ZNF449: variants seen among roughly 807,000 people sequenced by gnomAD.
ZNF449 encodes zinc finger protein 449.
Under a neutral mutation model 32.6 loss-of-function variants are expected in ZNF449, and 4 were observed. The ratio of observed to expected loss-of-function variants is 0.12; its 90% CI spans 0.06 to 0.28. ZNF449 has a LOEUF of 0.28. Ranked by LOEUF, ZNF449 falls within the 10% of genes least tolerant of loss-of-function variation. The pLI, the probability that ZNF449 is intolerant of heterozygous loss-of-function variation, is 1.00. For missense variants in ZNF449, 275 were observed against 383.2 expected (o/e 0.72, Z 2.36); for synonymous variants, 123 against 132.2 (o/e 0.93, Z 0.48).
At chrX:135,354,109 AATTG>A (rs1482361495) in intron 3 of ZNF449, among the ~76,000 whole-genome samples, 5 of 112,241 alleles carry the variant, frequency 4.5e-5, no homozygotes, top group Non-Finnish European at 9.4e-5. Context: ...CTAGAATTGG[AATTG>A]ATTGATTAAT....
chrX:135,353,555 T>C (rs1556450921), intron 3 of ZNF449, among the ~76,000 whole-genome samples: 5 of 111,642 alleles, frequency 4.5e-5, no homozygotes, highest in Non-Finnish European at 9.4e-5. Context: ...CAATATGTTA[T>C]TGTCACTGGA....
At position 135,360,176 on chromosome X, in the gene ZNF449, T is replaced by G; in HGVS notation, c.674-17T>G. On this transcript the variant is annotated splice_polypyrimidine_tract_variant and intron_variant, in intron 4 of 4. Coordinates refer to ENST00000339249, the MANE Select transcript of ZNF449 (RefSeq NM_152695.6). ...ATGGAACACAATATCATCTGCAGTTTCTATTTCTTCTCTCAGGTTTTGAGA... is the reference window on the plus strand; with the variant it reads ...ATGGAACACAATATCATCTGCAGTTGCTATTTCTTCTCTCAGGTTTTGAGA... 1 of 1,164,336 alleles carries G rather than the reference T, an allele frequency of 8.6e-7. No individual in the cohort carries two copies. The highest frequency in any genetic ancestry group is 1.1e-6 in the Non-Finnish European group (1 of 876,762).
chrX:135,346,449 C>A (rs2084848680), intron 1 of ZNF449, among the ~76,000 whole-genome samples: 1 of 112,067 alleles, frequency 8.9e-6, no homozygotes, highest in Non-Finnish European at 1.9e-5. Context: ...GATGGACTTT[C>A]AGAGTTTTTT....
Position 135,361,184 on chromosome X carries a change from C to A in ZNF449, c.*108C>A. On this transcript the variant is annotated 3_prime_UTR_variant, in exon 5 of 5. Coordinates refer to ENST00000339249, the MANE Select transcript of ZNF449 (RefSeq NM_152695.6). ...AAGCTTTTGTTTGAGCTTATAAGAA[C>A]ATAGACAGCTTTTTTTTTTACTAGT... is the stretch of plus-strand genomic sequence containing the variant. 1 of 680,165 alleles carries A rather than the reference C, an allele frequency of 1.5e-6. No homozygotes were observed. Among genetic ancestry groups the A allele is most frequent in the Non-Finnish European group, 2.1e-6 (1 of 474,092 alleles). The allele number at this position is 680,165 out of a possible 1,213,427, so 56.1% of individuals were successfully genotyped here. A position where few individuals can be genotyped will look rare whatever the true frequency, so the allele number is the denominator to read the frequency against.
In ZNF449 at chrX:135,349,138, A is replaced by C; in HGVS notation, c.383A>C (p.Glu128Ala). ...QVDMHDMLLE[E>A]LAPVGTAHIP... ...GATATGCATGACATGCTCTTGGAAG[A>C]ACTGGCACCAGTGGGAACGGCACAC... is the stretch of plus-strand genomic sequence containing the variant. The change falls in exon 3 of 5, where the codon GAA becomes GCA. Residue 128 changes from glutamate (E) to alanine (A), a missense_variant. Glu to Ala is a moderately radical substitution (Grantham distance 107). Transcript: ENST00000339249. 8.3e-7 allele frequency: 1 copy of C among 1,211,685 alleles called. No homozygotes were observed. The highest frequency in any genetic ancestry group is 1.1e-6 in the Non-Finnish European group (1 of 895,519).
chrX:135,352,616 T>A (rs782059090), intron 3 of ZNF449, among the ~76,000 whole-genome samples: 4 of 112,374 alleles, frequency 3.6e-5, no homozygotes. Flanking sequence ...ATGTAAAAGA[T>A]CACATCTTTT....
chrX:135,354,058 T>A (rs2084902632), intron 3 of ZNF449, among the ~76,000 whole-genome samples: 1 of 112,246 alleles, frequency 8.9e-6, no homozygotes, highest in South Asian at 3.7e-4. Flanking sequence ...AGAAAACATT[T>A]GGAGAATACT....
chrX:135,347,412 A>T lies in ZNF449; in HGVS notation c.294A>T (p.Arg98Ser). 1 of 1,212,117 alleles carries T rather than the reference A, an allele frequency of 8.3e-7. No individual in the cohort carries two copies. The highest frequency in any genetic ancestry group is 2.2e-5 in the Admixed American group (1 of 46,105). The change falls in exon 2 of 5, where the codon AGA becomes AGT. Residue 98 changes from arginine to serine, a missense_variant. Arg to Ser is a moderately radical substitution (Grantham distance 110). Transcript: ENST00000339249. ...TWVREHCPEN[R>S]ERVVSLIEDL... ...TGAGGGAGCACTGCCCAGAGAATAG[A>T]GAAAGAGTTGTGTCACTGATAGAAG...
At chrX:135,350,023 T>C (rs1253195996) in intron 3 of ZNF449, among the ~76,000 whole-genome samples, 1 of 106,266 alleles carries the variant, frequency 9.4e-6, no homozygotes, top group Non-Finnish European at 1.9e-5. Flanking sequence ...TTTTTTTTTC[T>C]GAGACGGGAG....
chrX:135,361,758 A>G lies in ZNF449; in HGVS notation c.*682A>G, dbSNP rs1031117293. 2 of 111,714 alleles carry G rather than the reference A, an allele frequency of 1.8e-5. No individual in the cohort carries two copies. Among genetic ancestry groups the G allele is most frequent in the African/African-American group, 6.5e-5 (2 of 30,748 alleles). 9.2% of individuals were successfully genotyped at this position (111,714 alleles called of 1,213,427 possible). A position where few individuals can be genotyped will look rare whatever the true frequency, so the allele number is the denominator to read the frequency against. ...GTATTTCACTCTCCTTTGGTATTCAATCATGTGTCTTTTAGTGCTTTTTAA... is the reference window on the plus strand; with the variant it reads ...GTATTTCACTCTCCTTTGGTATTCAGTCATGTGTCTTTTAGTGCTTTTTAA... On this transcript the variant is annotated 3_prime_UTR_variant, in exon 5 of 5. Coordinates refer to ENST00000339249, the MANE Select transcript of ZNF449 (RefSeq NM_152695.6).
At chrX:135,356,853 C>T (rs2084920719) in intron 3 of ZNF449, among the ~76,000 whole-genome samples, 1 of 111,427 alleles carries the variant, frequency 9.0e-6, no homozygotes, top group Non-Finnish European at 1.9e-5. Flanking sequence ...TTTATAGCAA[C>T]ACAAATGAAC....
Position 135,360,425 on chromosome X carries a change from C to T in ZNF449, c.906C>T (p.Ser302=), listed in dbSNP as rs149934579. Residue 302 remains serine (S), a synonymous_variant, in exon 5 of 5, where the codon TCC becomes TCT. Coordinates refer to ENST00000339249, the MANE Select transcript of ZNF449 (RefSeq NM_152695.6). ...NPTLGETPEN[S]NLEEPLNPKP... is the part of the protein sequence containing the mutation. ...CTCTGGGAGAGACACCTGAGAACTC[C>T]AACTTGGAAGAACCTCTCAACCCTA... is the stretch of plus-strand genomic sequence containing the variant. The T allele has an allele frequency of 5.2e-4, 626 of 1,209,236 alleles. 1 individual carries two copies. Among genetic ancestry groups the T allele is most frequent in the Non-Finnish European group, 5.6e-4 (503 of 894,960 alleles).
At chrX:135,352,871 TG>T (rs2148504800) in intron 3 of ZNF449, among the ~76,000 whole-genome samples, 1 of 112,221 alleles carries the variant, frequency 8.9e-6, no homozygotes, top group South Asian at 3.7e-4. Flanking sequence ...GAGTTTAGGA[TG>T]GGGGGAACAT....
chrX:135,347,607 C>G (rs1437807169), intron 2 of ZNF449, 135 bp downstream of exon 2: 1 of 1,157,782 alleles, frequency 8.6e-7, no homozygotes, highest in Non-Finnish European at 1.2e-6. Flanking sequence ...TTTTTCTCTT[C>G]TGCTGAACTC....
At chrX:135,353,962 G>T (rs2084902237) in intron 3 of ZNF449, among the ~76,000 whole-genome samples, 1 of 111,962 alleles carries the variant, frequency 8.9e-6, no homozygotes, top group African/African-American at 3.2e-5. Flanking sequence ...TGAGGGTAAA[G>T]AAAAGAGCTC....
At position 135,361,222 on chromosome X, in the gene ZNF449, C is replaced by A; in HGVS notation, c.*146C>A. On this transcript the variant is annotated 3_prime_UTR_variant, in exon 5 of 5. Transcript: ENST00000339249. ...TTTTTTTACTAGTTTTAAAACCCAT[C>A]TTCCAAGGTATATGAATTCTAGAGT... 1 of 435,508 alleles carries A rather than the reference C, an allele frequency of 2.3e-6. No individual in the cohort carries two copies. Among genetic ancestry groups the A allele is most frequent in the Non-Finnish European group, 3.7e-6 (1 of 267,818 alleles). The allele number at this position is 435,508 out of a possible 1,213,427, so 35.9% of individuals were successfully genotyped here.
rs782122949 is a variant in ZNF449, at chrX:135,360,914, T to C, written c.1395T>C (p.Cys465=). ...ATACTGAAGAGAGACCTTTTAAATG[T>C]AATTATTGTGGGAAAAGTTTTAGAC... is the stretch of plus-strand genomic sequence containing the variant. ...RTHTEERPFK[C]NYCGKSFRQR... is the part of the protein sequence containing the mutation. The change falls in exon 5 of 5, where the codon TGT becomes TGC. Residue 465 remains cysteine (C), a synonymous_variant. Coordinates refer to ENST00000339249, the MANE Select transcript of ZNF449 (RefSeq NM_152695.6). The C allele has an allele frequency of 3.3e-6, 4 of 1,211,283 alleles. No individual in the cohort carries two copies. The highest frequency in any genetic ancestry group is 4.5e-6 in the Non-Finnish European group (4 of 895,294).
chrX:135,360,356 T>C lies in ZNF449; in HGVS notation c.837T>C (p.Asp279=), dbSNP rs1556453202. 2.5e-6 allele frequency: 3 copies of C among 1,210,607 alleles called. No homozygotes were observed. The highest frequency in any genetic ancestry group is 3.4e-6 in the Non-Finnish European group (3 of 895,133). Residue 279 remains aspartate, a synonymous_variant, in exon 5 of 5, where the codon GAT becomes GAC. Transcript: ENST00000339249. The part of the protein sequence containing the change: ...LENQWETPPE[D]LQTDLAKLVD... Reference sequence around the variant, plus strand: ...ATCAATGGGAAACCCCCCCAGAGGATTTACAGACAGATTTAGCAAAACTGG... The same window carrying C: ...ATCAATGGGAAACCCCCCCAGAGGACTTACAGACAGATTTAGCAAAACTGG...
In ZNF449 at chrX:135,347,125, G is replaced by A; in HGVS notation, c.7G>A (p.Val3Met). The A allele has an allele frequency of 8.4e-7, 1 of 1,196,372 alleles. No individual in the cohort carries two copies. The highest frequency in any genetic ancestry group is 2.3e-5 in the Admixed American group (1 of 44,398). MA[V>M]ALGCAIQASL... ...AAACTGCTGGAAGGGGGCGATGGCT[G>A]TGGCCCTGGGTTGTGCAATCCAGGC... The change falls in exon 2 of 5, where the codon GTG (valine) becomes ATG (methionine). Residue 3 changes from valine to methionine, a missense_variant. By Grantham distance (21) the Val-to-Met change is conservative. Around this residue, in one of 3 missense-constraint regions of ZNF449, gnomAD observed 30 missense variants for 61.6 expected, o/e 0.49. Coordinates refer to ENST00000339249, the MANE Select transcript of ZNF449 (RefSeq NM_152695.6).
Sources: gnomAD v4.1 joint callset for allele counts (sites outside exome capture counted in the v4.1 genomes callset) on GRCh38, gnomAD v4.1.1 for gene constraint, gnomAD v4.1.1 regional missense constraint, MANE v1.5 for transcripts, NCBI Gene and HGNC (gene_info 2026-07-23, HGNC 2026-07-21) for gene names.